Variants in CADM2 observed in about 807,000 individuals in gnomAD.
The protein encoded by CADM2 is immunoglobulin superfamily member 4D.
In CADM2, 12 loss-of-function variants were observed where a neutral mutation model predicts 49.8. The ratio of observed to expected loss-of-function variants is 0.24; its 90% confidence interval spans 0.15 to 0.39. CADM2 has a LOEUF of 0.39. CADM2 is among the 10% of genes least tolerant of loss of function. The probability of loss-of-function intolerance (pLI) is 1.00; values close to 1 mark genes in which losing one functional copy is unlikely to be tolerated. For synonymous variants in CADM2, 214 were observed against 175.4 expected (o/e 1.22, Z -1.74); for missense variants, 378 against 492.3 (o/e 0.77, Z 2.20).
At chr3:85,945,298 C>CA (rs989144823) in intron 7 of CADM2, among the ~76,000 whole-genome samples, 32 of 151,642 alleles carry the variant, frequency 2.1e-4, no homozygotes, top group African/African-American at 6.3e-4. Context: ...AGCTTACCAA[C>CA]AAAAAAAAGT....
At chr3:85,056,573 C>A (rs2036087994) in intron 1 of CADM2, among the ~76,000 whole-genome samples, 1 of 152,034 alleles carries the variant, frequency 6.6e-6, no homozygotes, top group Non-Finnish European at 1.5e-5. Context: ...CACACCTAGT[C>A]AGAATTTCAA....
At chr3:85,248,681 CA>C (rs1309935457) in intron 1 of CADM2, among the ~76,000 whole-genome samples, 3 of 152,022 alleles carry the variant, frequency 2.0e-5, no homozygotes, top group Non-Finnish European at 4.4e-5. Context: ...TGTATACTCA[CA>C]AACATATAAG....
At chr3:85,045,023 G>T (rs1401405471) in intron 1 of CADM2, among the ~76,000 whole-genome samples, 1 of 151,982 alleles carries the variant, frequency 6.6e-6, no homozygotes, top group East Asian at 1.9e-4. Flanking sequence ...GCTTTAAAAA[G>T]CCACTTCATC....
intron 8 of CADM2, among the ~76,000 whole-genome samples, chr3:86,051,424 A>G (rs1376207870): frequency 6.6e-6 from 1 of 152,150 alleles, no homozygotes; most frequent in Non-Finnish European, 1.5e-5. Flanking sequence ...TCATCTTCTT[A>G]TCTTCTTCTG....
At chr3:85,022,732 T>A (rs1273134674) in intron 1 of CADM2, among the ~76,000 whole-genome samples, 1 of 152,144 alleles carries the variant, frequency 6.6e-6, no homozygotes, top group Non-Finnish European at 1.5e-5. Context: ...CCATTTTTTA[T>A]TCATCAATAT....
At chr3:85,598,842 AGT>A (rs532715696) in intron 1 of CADM2, among the ~76,000 whole-genome samples, 56 of 135,426 alleles carry the variant, frequency 4.1e-4, no homozygotes, top group South Asian at 3.3e-3. Context: ...CATATACTTA[AGT>A]GTGTGTGTGT....
At chr3:85,700,526 T>C (rs1007343953) in intron 1 of CADM2, among the ~76,000 whole-genome samples, 1 of 152,200 alleles carries the variant, frequency 6.6e-6, no homozygotes, top group Non-Finnish European at 1.5e-5. Flanking sequence ...ACTTTATTTC[T>C]TTGCTCATAC....
chr3:85,321,117 T>TATATATATATA (rs1559778035), intron 1 of CADM2, among the ~76,000 whole-genome samples: 58 of 4,710 alleles, frequency 0.012, no homozygotes, highest in Non-Finnish European at 0.017. Context: ...TATATATATA[T>TATATATATATA]TTTTTTTTTT....
intron 1 of CADM2, among the ~76,000 whole-genome samples, chr3:85,368,759 C>T (rs2032984998): frequency 6.6e-6 from 1 of 151,956 alleles, no homozygotes; most frequent in Non-Finnish European, 1.5e-5. Flanking sequence ...TTTTGTGTAA[C>T]ATTTAAATGT....
At chr3:85,624,624 C>T (rs1220173844) in intron 1 of CADM2, among the ~76,000 whole-genome samples, 1 of 152,060 alleles carries the variant, frequency 6.6e-6, no homozygotes, top group Non-Finnish European at 1.5e-5. Flanking sequence ...CATTTTTATA[C>T]CCCTGCCTTG....
At chr3:85,299,668 G>T (rs2044047523) in intron 1 of CADM2, among the ~76,000 whole-genome samples, 1 of 151,916 alleles carries the variant, frequency 6.6e-6, no homozygotes, top group Non-Finnish European at 1.5e-5. Context: ...GTTGGTCTGG[G>T]GTGTGGGATG....
chr3:85,576,937 G>A (rs1208258380), intron 1 of CADM2, among the ~76,000 whole-genome samples: 1 of 151,996 alleles, frequency 6.6e-6, no homozygotes, highest in Non-Finnish European at 1.5e-5. Context: ...AGAAGAGACA[G>A]CAACAAATAG....
intron 9 of CADM2, among the ~76,000 whole-genome samples, chr3:86,065,988 A>G (rs943094230): frequency 6.6e-6 from 1 of 152,110 alleles, no homozygotes; most frequent in African/African-American, 2.4e-5. Flanking sequence ...AAAAATATGG[A>G]AGAAAGTTTG....
At position 85,996,290 on chromosome 3, in the gene CADM2, CTT is replaced by C. The variant is rs397990432; in HGVS notation, c.970+34664_970+34665del. The stretch of plus-strand genomic sequence containing the variant: ...TTAAAAGCTTCCATTTTTTCATTTA[CTT>C]TTTTTTTTTTTTTTTTTTTTGGTCT... On this transcript the variant is annotated intron_variant, in intron 8 of 9. Coordinates refer to ENST00000383699, the MANE Select transcript of CADM2 (RefSeq NM_001167675.2). Among the ~76,000 whole-genome samples, 331 of 89,312 alleles carry C rather than the reference CTT, an allele frequency of 3.7e-3. 1 individual carries two copies. The highest frequency in any genetic ancestry group is 5.9e-3 in the Admixed American group (41 of 6,968). 58.6% of individuals were successfully genotyped at this position (89,312 alleles called of 152,430 possible). A position where few individuals can be genotyped will look rare whatever the true frequency, so the allele number is the denominator to read the frequency against.
At chr3:85,175,769 C>T (rs541300864) in intron 1 of CADM2, among the ~76,000 whole-genome samples, 299 of 151,480 alleles carry the variant, frequency 2.0e-3, no homozygotes, top group Non-Finnish European at 3.6e-3. Context: ...TATTTTACCA[C>T]AATAAAAAAT....
intron 1 of CADM2, among the ~76,000 whole-genome samples, chr3:85,633,091 G>T (rs1372945851): frequency 2.0e-5 from 3 of 151,998 alleles, no homozygotes; most frequent in African/African-American, 7.2e-5. Flanking sequence ...ACTATGGAAA[G>T]TTCCAAAGCA....
intron 1 of CADM2, among the ~76,000 whole-genome samples, chr3:85,628,685 A>T (rs2064208513): frequency 6.7e-6 from 1 of 148,752 alleles, no homozygotes; most frequent in African/African-American, 2.5e-5. Flanking sequence ...ACATATATAT[A>T]TATATAATTT....
At chr3:85,504,970 G>C (rs372457461) in intron 1 of CADM2, among the ~76,000 whole-genome samples, 2,200 of 152,232 alleles carry the variant, frequency 0.014, 32 homozygotes, top group South Asian at 0.035. Context: ...GCTGCTTCGC[G>C]TGCGGGGCCC....
intron 2 of CADM2, among the ~76,000 whole-genome samples, chr3:85,759,732 C>T (rs970430719): frequency 2.0e-5 from 3 of 152,062 alleles, no homozygotes; most frequent in South Asian, 4.1e-4. Context: ...CACCTGCCCA[C>T]ATAAAATTAT....
Sources: gnomAD v4.1 joint callset for allele counts (sites outside exome capture counted in the v4.1 genomes callset) on GRCh38, gnomAD v4.1.1 for gene constraint, MANE v1.5 for transcripts, NCBI Gene and HGNC (gene_info 2026-07-23, HGNC 2026-07-21) for gene names.